CDH18: variants seen among roughly 807,000 people sequenced by gnomAD.
CDH18 encodes the protein cadherin-18.
A neutral mutation model predicts 67.9 loss-of-function variants in CDH18; 31 were observed. The observed-to-expected ratio is 0.46, with a 90% CI of 0.34 to 0.62. The LOEUF (loss-of-function observed/expected upper bound fraction) is 0.62. Among genes scored for constraint, CDH18 ranks in the 20% least tolerant of loss-of-function variants. The pLI is 0.01. For synonymous variants in CDH18, 362 were observed against 347.2 expected (o/e 1.04, Z -0.48); for missense variants, 890 against 975.5 (o/e 0.91, Z 1.17).
At chr5:19,476,056 TGGAAA>T (rs1738409353) in intron 12 of CDH18, among the ~76,000 whole-genome samples, 1 of 151,652 alleles carries the variant, frequency 6.6e-6, no homozygotes, top group Non-Finnish European at 1.5e-5. Flanking sequence ...AAGCCAGAGA[TGGAAA>T]GGAAAGTGAG....
chr5:19,854,216 A>C (rs1485378482), intron 2 of CDH18, among the ~76,000 whole-genome samples: 1 of 152,100 alleles, frequency 6.6e-6, no homozygotes, highest in Non-Finnish European at 1.5e-5. Context: ...TTGGCATTCC[A>C]TTTCTCACTC....
chr5:19,739,614 A>G (rs1375877445), intron 4 of CDH18, among the ~76,000 whole-genome samples: 1 of 152,216 alleles, frequency 6.6e-6, no homozygotes, highest in Non-Finnish European at 1.5e-5. Flanking sequence ...GCTAACTTAC[A>G]CAGAAGAATA....
intron 9 of CDH18, among the ~76,000 whole-genome samples, chr5:19,528,246 TTTTA>T (rs1748052574): frequency 6.6e-6 from 1 of 151,752 alleles, no homozygotes; most frequent in Admixed American, 6.6e-5. Context: ...CTTTTCTATC[TTTTA>T]TCTTTATAGA....
intron 4 of CDH18, among the ~76,000 whole-genome samples, chr5:19,726,210 A>G (rs1193364807): frequency 1.3e-5 from 2 of 152,236 alleles, no homozygotes; most frequent in Non-Finnish European, 2.9e-5. Context: ...TGAAAAAGGA[A>G]GAAGGGTAGC....
chr5:19,935,933 T>C (rs558145990), intron 2 of CDH18, among the ~76,000 whole-genome samples: 2 of 150,888 alleles, frequency 1.3e-5, no homozygotes, highest in Non-Finnish European at 3.0e-5. Context: ...CACCTGTTAG[T>C]ACTGTTGTTC....
intron 8 of CDH18, among the ~76,000 whole-genome samples, chr5:19,552,209 G>A (rs764428537): frequency 2.0e-5 from 3 of 151,938 alleles, no homozygotes; most frequent in Non-Finnish European, 2.9e-5. Flanking sequence ...AGATTTATTC[G>A]GGAAATAATT....
At chr5:20,559,815 A>G (rs1030428684) in intron 1 of CDH18, among the ~76,000 whole-genome samples, 4 of 152,132 alleles carry the variant, frequency 2.6e-5, no homozygotes, top group Admixed American at 6.6e-5. Context: ...TAACATCCCT[A>G]TTAAACAAGA....
At chr5:20,354,153 CATT>C (rs921829187) in intron 1 of CDH18, among the ~76,000 whole-genome samples, 2 of 152,052 alleles carry the variant, frequency 1.3e-5, no homozygotes, top group African/African-American at 4.8e-5. Context: ...AAGAACAAAA[CATT>C]ATAAATAATA....
intron 2 of CDH18, among the ~76,000 whole-genome samples, chr5:20,173,856 A>G (rs1269324454): frequency 6.6e-6 from 1 of 152,174 alleles, no homozygotes; most frequent in Non-Finnish European, 1.5e-5. Flanking sequence ...TTGAATTTAG[A>G]GAATATTACG....
At chr5:19,677,529 A>G (rs1429993823) in intron 5 of CDH18, among the ~76,000 whole-genome samples, 2 of 152,070 alleles carry the variant, frequency 1.3e-5, no homozygotes, top group Admixed American at 6.6e-5. Context: ...AACAGCTAAC[A>G]ACACAACGGC....
At chr5:20,430,449 C>T (rs1748650909) in intron 1 of CDH18, among the ~76,000 whole-genome samples, 1 of 152,074 alleles carries the variant, frequency 6.6e-6, no homozygotes, top group Non-Finnish European at 1.5e-5. Context: ...CCATAGCTGC[C>T]ATCTCACAAC....
At chr5:20,424,816 G>C (rs1215786255) in intron 1 of CDH18, among the ~76,000 whole-genome samples, 1 of 142,854 alleles carries the variant, frequency 7.0e-6, no homozygotes, top group Non-Finnish European at 1.5e-5. Context: ...CAGACACTAG[G>C]AAAAACAAGA....
At chr5:19,718,457 T>C (rs948828339) in intron 5 of CDH18, among the ~76,000 whole-genome samples, 1 of 152,024 alleles carries the variant, frequency 6.6e-6, no homozygotes, top group African/African-American at 2.4e-5. Flanking sequence ...TTGTATTTTA[T>C]TCCATTCACT....
At chr5:19,505,652 A>G (rs1164948976) in intron 10 of CDH18, among the ~76,000 whole-genome samples, 1 of 152,148 alleles carries the variant, frequency 6.6e-6, no homozygotes, top group Non-Finnish European at 1.5e-5. Context: ...CCAGCCTTGC[A>G]TCCCAGGGAT....
At chr5:19,875,336 A>G (rs781352845) in intron 2 of CDH18, among the ~76,000 whole-genome samples, 4 of 152,116 alleles carry the variant, frequency 2.6e-5, no homozygotes, top group Non-Finnish European at 4.4e-5. Flanking sequence ...CCTTTTACCT[A>G]TGTAACTGGG....
At chr5:19,497,960 C>A (rs1004745642) in intron 11 of CDH18, among the ~76,000 whole-genome samples, 1 of 152,080 alleles carries the variant, frequency 6.6e-6, no homozygotes, top group African/African-American at 2.4e-5. Flanking sequence ...GAGTCAAAGA[C>A]AAAGGATTTT....
chr5:20,313,704 C>T (rs1737202144), intron 1 of CDH18, among the ~76,000 whole-genome samples: 1 of 151,788 alleles, frequency 6.6e-6, no homozygotes, highest in Non-Finnish European at 1.5e-5. Flanking sequence ...GGATAGTGCA[C>T]AGTTAGAACA....
intron 9 of CDH18, among the ~76,000 whole-genome samples, chr5:19,527,470 CAAATATTGTATTCA>C (rs1285400225): frequency 2.0e-5 from 3 of 151,158 alleles, no homozygotes; most frequent in Non-Finnish European, 4.4e-5. Flanking sequence ...TAAAAAAAAT[CAAATATTGTATTCA>C]AAATAATTTG....
intron 2 of CDH18, among the ~76,000 whole-genome samples, chr5:20,158,252 G>A (rs983237843): frequency 5.9e-5 from 9 of 151,992 alleles, no homozygotes; most frequent in Non-Finnish European, 1.2e-4. Flanking sequence ...TAGAACAAGA[G>A]AAAAATAAAA....
Sources: gnomAD v4.1 joint callset for allele counts (sites outside exome capture counted in the v4.1 genomes callset) on GRCh38, gnomAD v4.1.1 for gene constraint, MANE v1.5 for transcripts, NCBI Gene and HGNC (gene_info 2026-07-23, HGNC 2026-07-21) for gene names.